Variants in BCAS3 observed in about 807,000 individuals in gnomAD.
BCAS3 encodes the protein BCAS3 microtubule associated cell migration factor, also known as BCAS4/BCAS3 fusion.
Under a neutral mutation model 116.1 loss-of-function variants are expected in BCAS3, and 53 were observed. The ratio of observed to expected loss-of-function variants is 0.46; its 90% CI spans 0.37 to 0.57. The LOEUF (loss-of-function observed/expected upper bound fraction) is 0.57. Ranked by LOEUF, BCAS3 falls within the 20% of genes least tolerant of loss-of-function variation. BCAS3 has a pLI of 0.00. For synonymous variants in BCAS3, 391 were observed against 408.2 expected, an observed-to-expected ratio of 0.96 and a Z score of 0.51; for missense variants, 917 against 1,165.4, an observed-to-expected ratio of 0.79 and a Z score of 3.10.
intron 22 of BCAS3, among the ~76,000 whole-genome samples, chr17:61,116,431 A>T (rs1202802237): frequency 6.6e-6 from 1 of 152,082 alleles, no homozygotes. Flanking sequence ...TACCATCCTG[A>T]TTTATAATAT....
At chr17:61,272,387 C>T (rs1280787601) in intron 22 of BCAS3, among the ~76,000 whole-genome samples, 1 of 152,022 alleles carries the variant, frequency 6.6e-6, no homozygotes, top group Non-Finnish European at 1.5e-5. Flanking sequence ...AATCCCAGCA[C>T]TTTGGGAGGC....
chr17:61,373,732 C>CCCCA (rs200460432), intron 23 of BCAS3, among the ~76,000 whole-genome samples: 31 of 148,050 alleles, frequency 2.1e-4, no homozygotes, highest in Non-Finnish European at 3.0e-5. Context: ...ATGCCCAGCC[C>CCCCA]CTGTTTAAAG....
chr17:61,281,824 A>G lies in BCAS3; in HGVS notation c.2426-86503A>G, dbSNP rs1324029658. Among the ~76,000 whole-genome samples, 1 of 152,140 alleles carries G rather than the reference A, an allele frequency of 6.6e-6. No individual in the cohort carries two copies. Among genetic ancestry groups the G allele is most frequent in the Non-Finnish European group, 1.5e-5 (1 of 68,034 alleles). ...CAATAATTTCTGGGGTTTGTATCAT[A>G]TTAAGTATAGCTTTCTCATTTCTCT... On this transcript the variant is annotated intron_variant, in intron 22 of 23. Coordinates refer to ENST00000407086, the MANE Select transcript of BCAS3 (RefSeq NM_017679.5). This position sits in a 1 kb window ranked among gnomAD's most constrained non-coding sequence, Gnocchi z 4.2.
At position 61,065,171 on chromosome 17, in the gene BCAS3, T is replaced by G. The variant is rs769965554; in HGVS notation, c.2030-9749T>G. ...CTTGAATCATTAAATCTCCAATTAC[T>G]ACGATTTAAATATGTTTGTTGGATA... is the stretch of plus-strand genomic sequence containing the variant. On this transcript the variant is annotated intron_variant, in intron 19 of 23. Coordinates refer to ENST00000407086, the MANE Select transcript of BCAS3 (RefSeq NM_017679.5). This position sits in a 1 kb window ranked among gnomAD's most constrained non-coding sequence, Gnocchi z 4.8. Among the ~76,000 whole-genome samples, 2 of 152,226 alleles carry G rather than the reference T, an allele frequency of 1.3e-5. No homozygotes were observed. The highest frequency in any genetic ancestry group is 2.9e-5 in the Non-Finnish European group (2 of 68,030).
rs77397344 is a variant in BCAS3 at position 60,734,786 on chromosome 17, C to T, written c.322-12412C>T. Among the ~76,000 whole-genome samples the T allele has an allele frequency of 1.7e-3, 253 of 152,248 alleles. 1 individual carries two copies. The highest frequency in any genetic ancestry group is 5.8e-3 in the African/African-American group (240 of 41,554). On this transcript the variant is annotated intron_variant, in intron 5 of 23. Transcript: ENST00000407086. The stretch of plus-strand genomic sequence containing the variant: ...AGTGTTCTGACTTTGCTTTCTCCTT[C>T]GTATTTAGTTGGCTATTCTGAATTT...
At position 61,214,538 on chromosome 17, in the gene BCAS3, A is replaced by C. The variant is rs2081660444; in HGVS notation, c.2425+129974A>C. On this transcript the variant is annotated intron_variant, in intron 22 of 23. Transcript: ENST00000407086. The surrounding 1 kb of genome is among the most constrained non-coding windows in gnomAD (Gnocchi z 4.4). ...TCTCTACTAAAAATACCAAAAAAAA[A>C]AAATTAGCTGGGCGTGGCGGCGGGC... Among the ~76,000 whole-genome samples the C allele has an allele frequency of 6.6e-6, 1 of 151,758 alleles. No homozygotes were observed. Among genetic ancestry groups the C allele is most frequent in the South Asian group, 2.1e-4 (1 of 4,814 alleles).
chr17:60,754,758 A>C (rs2042844514), intron 6 of BCAS3, among the ~76,000 whole-genome samples: 2 of 149,464 alleles, frequency 1.3e-5, no homozygotes, highest in East Asian at 2.0e-4. Flanking sequence ...GTTCAGCCGA[A>C]ACACTAGCAA....
rs753354345 is a variant in BCAS3, at chr17:61,075,038, T to G, written c.2130+18T>G. 3.4e-5 allele frequency: 53 copies of G among 1,565,372 alleles called. No homozygotes were observed. Among genetic ancestry groups the G allele is most frequent in the Non-Finnish European group, 4.0e-5 (45 of 1,138,420 alleles). Reference sequence around the variant, plus strand: ...TTTCCCAGGTAAAACTCTGAAATATTGAGAGTATTAAAGTAAAATAAAACA... The same window carrying G: ...TTTCCCAGGTAAAACTCTGAAATATGGAGAGTATTAAAGTAAAATAAAACA... On this transcript the variant is annotated intron_variant, in intron 20 of 23. Transcript: ENST00000407086.
chr17:61,090,426 A>AG (rs1491094733), intron 22 of BCAS3, among the ~76,000 whole-genome samples: 4 of 152,214 alleles, frequency 2.6e-5, no homozygotes, highest in Non-Finnish European at 5.9e-5. Context: ...ACAATCCCTC[A>AG]GAGGGGAAAA....
chr17:61,351,788 G>C (rs1442096887), intron 22 of BCAS3, among the ~76,000 whole-genome samples: 2 of 152,326 alleles, frequency 1.3e-5, no homozygotes, highest in South Asian at 4.2e-4. Flanking sequence ...AGGTGAAAAG[G>C]CACAAGCAAC....
At chr17:60,731,804 A>T (rs1467748840) in intron 5 of BCAS3, among the ~76,000 whole-genome samples, 1 of 135,034 alleles carries the variant, frequency 7.4e-6, no homozygotes, top group Non-Finnish European at 1.5e-5. Flanking sequence ...TTTGAGGCAG[A>T]GTCTCATTTT....
At position 61,332,751 on chromosome 17, in the gene BCAS3, GATTA is replaced by G. The variant is rs2056393555; in HGVS notation, c.2426-35575_2426-35572del. ...CTGCCTCAGCTTCCTGAATAGCTGG[GATTA>G]TAGGCGTCTGCCACCACGCCTGGCT... On this transcript the variant is annotated intron_variant, in intron 22 of 23. Coordinates refer to ENST00000407086, the MANE Select transcript of BCAS3 (RefSeq NM_017679.5). The surrounding 1 kb of genome is among the most constrained non-coding windows in gnomAD (Gnocchi z 5.4). Among the ~76,000 whole-genome samples the G allele has an allele frequency of 6.6e-6, 1 of 152,162 alleles. No homozygotes were observed. Among genetic ancestry groups the G allele is most frequent in the Non-Finnish European group, 1.5e-5 (1 of 68,046 alleles).
chr17:60,995,578 G>A lies in BCAS3; in HGVS notation c.1486+5343G>A, dbSNP rs899451853. Among the ~76,000 whole-genome samples the A allele has an allele frequency of 6.6e-6, 1 of 152,024 alleles. No individual in the cohort carries two copies. The highest frequency in any genetic ancestry group is 2.4e-5 in the African/African-American group (1 of 41,390). ...CTCCCAAGGTGCTGGGATTACAAGC[G>A]TGAACCACCGCGCCCGACCAGTTTC... is the stretch of plus-strand genomic sequence containing the variant. On this transcript the variant is annotated intron_variant, in intron 15 of 23. Coordinates refer to ENST00000407086, the MANE Select transcript of BCAS3 (RefSeq NM_017679.5). The surrounding 1 kb of genome is among the most constrained non-coding windows in gnomAD (Gnocchi z 4.7).
rs1007235541 is a variant in BCAS3, at chr17:61,315,386, T to C, written c.2426-52941T>C. Among the ~76,000 whole-genome samples, 3 of 152,192 alleles carry C rather than the reference T, an allele frequency of 2.0e-5. No individual in the cohort carries two copies. The highest frequency in any genetic ancestry group is 4.4e-5 in the Non-Finnish European group (3 of 68,032). On this transcript the variant is annotated intron_variant, in intron 22 of 23. Transcript: ENST00000407086. This position sits in a 1 kb window ranked among gnomAD's most constrained non-coding sequence, Gnocchi z 5.3. ...CGGCCGCCTCAGCCTCCCAAAGTGC[T>C]GGGATTACAGGTGTGAGCCACCGCG...
chr17:61,308,796 C>A (rs562730547), intron 22 of BCAS3, among the ~76,000 whole-genome samples: 7 of 152,216 alleles, frequency 4.6e-5, no homozygotes, highest in Non-Finnish European at 8.8e-5. Context: ...TCCTAGCCAG[C>A]TTATTAAACA....
intron 9 of BCAS3, among the ~76,000 whole-genome samples, chr17:60,880,154 A>G (rs1474639779): frequency 6.6e-6 from 1 of 152,248 alleles, no homozygotes; most frequent in African/African-American, 2.4e-5. Flanking sequence ...ATTTTAAACT[A>G]AAAACTCATA....
intron 2 of BCAS3, among the ~76,000 whole-genome samples, chr17:60,683,416 T>G (rs1226417075): frequency 1.3e-5 from 2 of 150,894 alleles, no homozygotes; most frequent in Admixed American, 1.3e-4. Flanking sequence ...TTTAAAAATG[T>G]TAAAAGCCCA....
rs1568907335 is a variant in BCAS3 at position 61,346,340 on chromosome 17, CT to C, written c.2426-21981del. Reference sequence around the variant, plus strand: ...GCATGATTGAAAAATCAGGAGAAAACTTTTTTAAATGCCTGAAAGGAATGTT... The same window carrying C: ...GCATGATTGAAAAATCAGGAGAAAACTTTTTAAATGCCTGAAAGGAATGTT... On this transcript the variant is annotated intron_variant, in intron 22 of 23. Transcript: ENST00000407086. The surrounding 1 kb of genome is among the most constrained non-coding windows in gnomAD (Gnocchi z 5.4). 6.6e-6 allele frequency among the ~76,000 whole-genome samples: 1 copy of C among 152,138 alleles called. No homozygotes were observed. Among genetic ancestry groups the C allele is most frequent in the South Asian group, 2.1e-4 (1 of 4,826 alleles).
chr17:60,752,392 C>A (rs1212018354), intron 6 of BCAS3, among the ~76,000 whole-genome samples: 1 of 150,660 alleles, frequency 6.6e-6, no homozygotes, highest in East Asian at 2.0e-4. Flanking sequence ...AGGGTAACTC[C>A]TAATGGGGAA....
Sources: allele counts gnomAD v4.1 joint callset (sites outside exome capture counted in the v4.1 genomes callset), GRCh38; gene constraint gnomAD v4.1.1; non-coding constraint Gnocchi (gnomAD v3.1); transcripts MANE v1.5; gene names NCBI Gene and HGNC (gene_info 2026-07-23, HGNC 2026-07-21).